CPSF3: variants seen among roughly 807,000 people sequenced by gnomAD.
CPSF3 encodes cleavage and polyadenylation specific factor 3, also known as cleavage and polyadenylation specificity factor subunit 3.
CPSF3 carries 57 observed loss-of-function variants against 84.1 expected under a neutral mutation model. The observed-to-expected ratio is 0.68, with a 90% CI of 0.55 to 0.85. The LOEUF is 0.85. CPSF3 is among the 40% of genes least tolerant of loss of function. CPSF3 has a pLI of 0.00. For missense variants in CPSF3, 522 were observed against 838.8 expected (o/e 0.62, Z 4.66); for synonymous variants, 275 against 278.1 (o/e 0.99, Z 0.11).
chr2:9,449,106 C>T (rs533202403), intron 11 of CPSF3, among the ~76,000 whole-genome samples: 11 of 152,040 alleles, frequency 7.2e-5, no homozygotes, highest in African/African-American at 1.2e-4. Flanking sequence ...CGGCCGGACA[C>T]GGTGGTTCCT....
chr2:9,443,696 G>GA (rs397752622), intron 10 of CPSF3, 35 bp downstream of exon 10: 5 of 1,601,558 alleles, frequency 3.1e-6, no homozygotes, highest in Admixed American at 1.7e-5. Flanking sequence ...GTATTAAAGG[G>GA]AAAAAAAGTG....
chr2:9,471,399 C>G lies in CPSF3; in HGVS notation c.1913C>G (p.Thr638Arg). The stretch of plus-strand genomic sequence containing the variant: ...AAGGATGACTCTATTCTTAGCGTCA[C>G]AGTGGACGGGAAAACTGCCAACCTT... Reference protein sequence around the residue: ...SVKDDSILSVTVDGKTANLNL... With the variant: ...SVKDDSILSVRVDGKTANLNL... The change falls in exon 17 of 18, where the codon ACA becomes AGA. Residue 638 changes from threonine to arginine, a missense_variant. Thr to Arg is a moderately conservative substitution (Grantham distance 71). Around this residue, in one of 2 missense-constraint regions of CPSF3, gnomAD observed 193 missense variants for 231.6 expected, o/e 0.83. Transcript: ENST00000238112. 6.2e-7 allele frequency: 1 copy of G among 1,612,512 alleles called. No individual in the cohort carries two copies. The highest frequency in any genetic ancestry group is 8.5e-7 in the Non-Finnish European group (1 of 1,178,620).
At chr2:9,468,076 A>G (rs764108348) in intron 16 of CPSF3, 1 of 290,432 alleles carries the variant, frequency 3.4e-6, no homozygotes, top group Non-Finnish European at 6.3e-6. Flanking sequence ...GACAAGTTCA[A>G]AAATCTTAGC....
At chr2:9,427,963 T>A (rs964115806) in intron 1 of CPSF3, among the ~76,000 whole-genome samples, 7 of 152,010 alleles carry the variant, frequency 4.6e-5, no homozygotes, top group Non-Finnish European at 1.0e-4. Context: ...GTGATTGAAA[T>A]TCACAGTATG....
chr2:9,465,977 T>C (rs1358336049), intron 15 of CPSF3, among the ~76,000 whole-genome samples: 1 of 152,324 alleles, frequency 6.6e-6, no homozygotes, highest in East Asian at 1.9e-4. Flanking sequence ...CCATATAAAG[T>C]GTAGAATTCA....
intron 15 of CPSF3, among the ~76,000 whole-genome samples, chr2:9,462,097 T>C (rs1242129238): frequency 1.3e-5 from 2 of 152,138 alleles, no homozygotes; most frequent in African/African-American, 4.8e-5. Flanking sequence ...TAAGTAGTGG[T>C]ACAGAAGTTA....
rs186297170 is a variant in CPSF3 at position 9,466,434 on chromosome 2, G to A, written c.1787-1273G>A. On this transcript the variant is annotated intron_variant, in intron 15 of 17. Coordinates refer to ENST00000238112, the MANE Select transcript of CPSF3 (RefSeq NM_016207.4). ...CACACACGCACACGCGCACACACGC[G>A]CACACACACAAAATTAGCTGGGCAT... Among the ~76,000 whole-genome samples, 110 of 147,738 alleles carry A rather than the reference G, an allele frequency of 7.4e-4. No individual in the cohort carries two copies. The South Asian group carries it at 0.011, about 15-fold the overall frequency.
intron 6 of CPSF3, among the ~76,000 whole-genome samples, chr2:9,434,388 G>T (rs939333260): frequency 1.3e-5 from 2 of 151,994 alleles, no homozygotes; most frequent in African/African-American, 2.4e-5. Flanking sequence ...AAAAATTGGG[G>T]CAGGTGCTTC....
rs1002007034 is a variant in CPSF3, at chr2:9,461,854, C to T, written c.1786+2236C>T. Among the ~76,000 whole-genome samples the T allele has an allele frequency of 4.6e-5, 7 of 150,602 alleles. No individual in the cohort carries two copies. The South Asian group carries it at 8.5e-4, about 18-fold the overall frequency. ...TCGGCTCACTGCAACCTCTGCCTCC[C>T]GGGTTCAAGCGATTCTCCTGCCTCA... On this transcript the variant is annotated intron_variant, in intron 15 of 17. Coordinates refer to ENST00000238112, the MANE Select transcript of CPSF3 (RefSeq NM_016207.4).
chr2:9,439,323 A>G (rs1190563998), intron 7 of CPSF3, among the ~76,000 whole-genome samples: 1 of 152,162 alleles, frequency 6.6e-6, no homozygotes, highest in East Asian at 1.9e-4. Context: ...AATACAAAAA[A>G]TTAGCCAGGC....
chr2:9,428,706 T>G (rs1228553147), intron 1 of CPSF3, 59 bp from the exon 2 acceptor site: 1 of 1,203,026 alleles, frequency 8.3e-7, no homozygotes, highest in African/African-American at 1.5e-5. Flanking sequence ...AGTGTAAGTT[T>G]ATTGGACTTG....
chr2:9,426,039 A>G (rs1271057199), intron 1 of CPSF3, among the ~76,000 whole-genome samples: 1 of 152,218 alleles, frequency 6.6e-6, no homozygotes, highest in East Asian at 1.9e-4. Context: ...TTCATTTAGC[A>G]TAATCTTTCC....
At chr2:9,450,145 AAATTTTTTTTT>A (rs1366268275) in intron 11 of CPSF3, among the ~76,000 whole-genome samples, 3 of 138,780 alleles carry the variant, frequency 2.2e-5, no homozygotes, top group African/African-American at 7.9e-5. Context: ...CTACAGGCAC[AAATTTTTTTTT>A]TTTTTTTTTT....
rs140482589 is a variant in CPSF3, at chr2:9,429,091, G to A, written c.114+263G>A. Among the ~76,000 whole-genome samples, 18 of 152,292 alleles carry A rather than the reference G, an allele frequency of 1.2e-4. No homozygotes were observed. In the East Asian group the frequency reaches 3.5e-3, roughly 29 times the overall value. On this transcript the variant is annotated intron_variant, in intron 2 of 17. Coordinates refer to ENST00000238112, the MANE Select transcript of CPSF3 (RefSeq NM_016207.4). The stretch of plus-strand genomic sequence containing the variant: ...TCTTCAAAGTCCCTCTTCCACTCCT[G>A]AAGGGTTGAGCCAGCCTAACTGCCC...
intron 11 of CPSF3, among the ~76,000 whole-genome samples, chr2:9,451,182 T>C (rs549689596): frequency 3.3e-5 from 5 of 152,328 alleles, no homozygotes; most frequent in African/African-American, 1.2e-4. Context: ...ATTTTAATGA[T>C]TTAAAATCAT....
At chr2:9,466,338 ACACG>A (rs1343549532) in intron 15 of CPSF3, among the ~76,000 whole-genome samples, 3 of 118,330 alleles carry the variant, frequency 2.5e-5, no homozygotes, top group Admixed American at 7.7e-5. Flanking sequence ...ACGCACGCAC[ACACG>A]CGCGCGCGCG....
At chr2:9,451,926 C>T (rs920284657) in intron 11 of CPSF3, among the ~76,000 whole-genome samples, 1 of 151,998 alleles carries the variant, frequency 6.6e-6, no homozygotes, top group Non-Finnish European at 1.5e-5. Flanking sequence ...TTATATTGGC[C>T]AGGATGGTCT....
At position 9,428,786 on chromosome 2, in the gene CPSF3, A is replaced by C; in HGVS notation, c.72A>C (p.Gly24=). 6.2e-7 allele frequency: 1 copy of C among 1,606,604 alleles called. No homozygotes were observed. Among genetic ancestry groups the C allele is most frequent in the Non-Finnish European group, 8.5e-7 (1 of 1,173,392 alleles). Reference sequence around the variant, plus strand: ...ACAGTGGAGCTGGGCAAGAAGTAGGAAGATCATGTATTATTCTCGAGTTCA... The same window carrying C: ...ACAGTGGAGCTGGGCAAGAAGTAGGCAGATCATGTATTATTCTCGAGTTCA... ...IRPLGAGQEV[G]RSCIILEFKG... The change falls in exon 2 of 18, where the codon GGA becomes GGC. Residue 24 remains glycine (G), a synonymous_variant. Transcript: ENST00000238112.
intron 15 of CPSF3, among the ~76,000 whole-genome samples, chr2:9,465,857 A>G (rs1196256420): frequency 6.6e-6 from 1 of 152,164 alleles, no homozygotes; most frequent in Non-Finnish European, 1.5e-5. Flanking sequence ...TGATGACAAT[A>G]TCCATATATA....
Sources: gnomAD v4.1 joint callset for allele counts (sites outside exome capture counted in the v4.1 genomes callset) on GRCh38, gnomAD v4.1.1 for gene constraint, gnomAD v4.1.1 regional missense constraint, MANE v1.5 for transcripts, NCBI Gene and HGNC (gene_info 2026-07-23, HGNC 2026-07-21) for gene names.